CTNNA2: variants seen among roughly 807,000 people sequenced by gnomAD.
The protein encoded by CTNNA2 is catenin alpha-2.
In CTNNA2, 42 loss-of-function variants were observed where a neutral mutation model predicts 101.0. The observed-to-expected ratio is 0.42, with a 90% CI of 0.32 to 0.54. CTNNA2 has a LOEUF of 0.54. CTNNA2 is among the 20% of genes least tolerant of loss of function. CTNNA2 has a pLI of 0.14. For missense variants in CTNNA2, 871 were observed against 1,223.1 expected (o/e 0.71, Z 4.29); for synonymous variants, 450 against 456.4 (o/e 0.99, Z 0.18).
intron 8 of CTNNA2, among the ~76,000 whole-genome samples, chr2:80,402,304 C>T (rs1382963779): frequency 6.6e-6 from 1 of 152,128 alleles, no homozygotes; most frequent in Non-Finnish European, 1.5e-5. Context: ...CAAACTCTGT[C>T]CTTTTGAGTT....
chr2:79,280,833 GCCTGAGGATTTACAGGCTAC>G (rs1194020988), intron 2 of CTNNA2, among the ~76,000 whole-genome samples: 1 of 152,008 alleles, frequency 6.6e-6, no homozygotes, highest in African/African-American at 2.4e-5. Flanking sequence ...GTGCCTGGGT[GCCTGAGGATTTACAGGCTAC>G]CCTGACTCCT....
chr2:79,394,843 A>G (rs1678212697), intron 4 of CTNNA2, among the ~76,000 whole-genome samples: 2 of 152,260 alleles, frequency 1.3e-5, no homozygotes, highest in Middle Eastern at 3.4e-3. Context: ...TGCCTTGTTT[A>G]TGGGTCCTGA....
At chr2:79,281,619 A>G (rs1675386157) in intron 2 of CTNNA2, 1 of 152,198 alleles carries the variant, frequency 6.6e-6, no homozygotes, top group Non-Finnish European at 1.5e-5. Context: ...TGACATCACC[A>G]AAGAACACCT....
At chr2:80,038,497 G>A (rs1695814418) in intron 7 of CTNNA2, among the ~76,000 whole-genome samples, 1 of 152,138 alleles carries the variant, frequency 6.6e-6, no homozygotes, top group African/African-American at 2.4e-5. Context: ...GAGTCGGGCA[G>A]ATCACCTGAG....
intron 2 of CTNNA2, among the ~76,000 whole-genome samples, chr2:79,220,712 G>T (rs944058216): frequency 6.6e-6 from 1 of 151,850 alleles, no homozygotes; most frequent in African/African-American, 2.4e-5. Flanking sequence ...ATAGAAACTG[G>T]GAAATTGAAA....
intron 7 of CTNNA2, among the ~76,000 whole-genome samples, chr2:80,083,456 G>C (rs1699265293): frequency 6.6e-6 from 1 of 152,104 alleles, no homozygotes; most frequent in Admixed American, 6.6e-5. Context: ...TAAAGTTTCT[G>C]TGTTTGCCTG....
chr2:80,082,478 T>C (rs1699210568), intron 7 of CTNNA2, among the ~76,000 whole-genome samples: 1 of 152,126 alleles, frequency 6.6e-6, no homozygotes. Context: ...CCAAAAAGAT[T>C]TTTTGGCATC....
At chr2:80,082,311 A>G (rs954176547) in intron 7 of CTNNA2, among the ~76,000 whole-genome samples, 2 of 152,192 alleles carry the variant, frequency 1.3e-5, no homozygotes, top group African/African-American at 4.8e-5. Context: ...GAGGAGGGTC[A>G]GTATTGGCTT....
rs1382392886 is a variant in CTNNA2 at position 79,513,098 on chromosome 2, T to G, written c.-115T>G. 1 of 152,190 alleles carries G rather than the reference T, an allele frequency of 6.6e-6. No individual in the cohort carries two copies. The highest frequency in any genetic ancestry group is 1.5e-5 in the Non-Finnish European group (1 of 68,102). 9.4% of individuals were successfully genotyped at this position (152,190 alleles called of 1,614,324 possible). ...GGCCAGAGGCGGCTGCAGCAGCTGC[T>G]GCCCTTGTCCCTGCCGCCGCCTCTC... is the stretch of plus-strand genomic sequence containing the variant. On this transcript the variant is annotated 5_prime_UTR_variant, in exon 1 of 19. Transcript: ENST00000402739.
chr2:79,818,895 G>GCACACACACACA (rs56218833), intron 3 of CTNNA2, among the ~76,000 whole-genome samples: 10 of 125,546 alleles, frequency 8.0e-5, no homozygotes, highest in African/African-American at 3.1e-4. Context: ...AGCACTAATA[G>GCACACACACACA]CACACACACA....
chr2:80,065,851 A>G (rs1697951243), intron 7 of CTNNA2, among the ~76,000 whole-genome samples: 1 of 152,212 alleles, frequency 6.6e-6, no homozygotes, highest in Non-Finnish European at 1.5e-5. Flanking sequence ...CCACCTTAGG[A>G]GTGGATAGCT....
In CTNNA2 at chr2:79,995,652, A is replaced by C. The variant is rs1196276361; in HGVS notation, c.1056+85855A>C. Among the ~76,000 whole-genome samples the C allele has an allele frequency of 2.6e-5, 4 of 152,118 alleles. No homozygotes were observed. In the East Asian group the frequency reaches 7.8e-4, roughly 30 times the overall value. The stretch of plus-strand genomic sequence containing the variant: ...ATAGTGAGACCCCATTTCTACCAAA[A>C]ATAGTTTTAAAAATAGCCAGACATG... On this transcript the variant is annotated intron_variant, in intron 7 of 18. Coordinates refer to ENST00000402739, the MANE Select transcript of CTNNA2 (RefSeq NM_001282597.3).
chr2:80,471,963 T>C (rs1190288116), intron 9 of CTNNA2, among the ~76,000 whole-genome samples: 1 of 151,942 alleles, frequency 6.6e-6, no homozygotes, highest in Non-Finnish European at 1.5e-5. Flanking sequence ...CCATCTCTAC[T>C]AAAAATACAA....
intron 7 of CTNNA2, among the ~76,000 whole-genome samples, chr2:80,125,585 A>G (rs1432946785): frequency 1.3e-5 from 2 of 152,172 alleles, no homozygotes; most frequent in African/African-American, 4.8e-5. Context: ...AGATGTCACT[A>G]TCTAGATACC....
At chr2:79,389,308 GGGCT>G (rs928777926) in intron 4 of CTNNA2, among the ~76,000 whole-genome samples, 2 of 152,062 alleles carry the variant, frequency 1.3e-5, no homozygotes, top group African/African-American at 4.8e-5. Context: ...GATTGATCTA[GGGCT>G]GTTTGCAGCC....
chr2:80,160,708 A>G (rs1704259275), intron 7 of CTNNA2, among the ~76,000 whole-genome samples: 1 of 152,152 alleles, frequency 6.6e-6, no homozygotes, highest in African/African-American at 2.4e-5. Flanking sequence ...TAGGTAGACA[A>G]TCATATCATC....
At chr2:80,607,713 T>C (rs1698148282) in intron 16 of CTNNA2, among the ~76,000 whole-genome samples, 1 of 151,906 alleles carries the variant, frequency 6.6e-6, no homozygotes, top group Admixed American at 6.6e-5. Context: ...ATACATTTAT[T>C]AGAGAACAAA....
At chr2:80,059,226 G>A (rs994206837) in intron 7 of CTNNA2, among the ~76,000 whole-genome samples, 10 of 152,158 alleles carry the variant, frequency 6.6e-5, no homozygotes, top group East Asian at 5.8e-4. Flanking sequence ...CAGTTGCCCC[G>A]GCTGGGTTCT....
intron 2 of CTNNA2, among the ~76,000 whole-genome samples, chr2:79,226,848 C>T (rs1043647523): frequency 2.0e-5 from 3 of 152,094 alleles, no homozygotes; most frequent in Admixed American, 6.6e-5. Context: ...TTCTGAGATA[C>T]AGGTAACTTC....
Sources: allele counts gnomAD v4.1 joint callset (sites outside exome capture counted in the v4.1 genomes callset), GRCh38; gene constraint gnomAD v4.1.1; transcripts MANE v1.5; gene names NCBI Gene and HGNC (gene_info 2026-07-23, HGNC 2026-07-21).